The following BRINP3 variants were observed in gnomAD, a reference collection of about 807,000 sequenced individuals.
The protein encoded by BRINP3 is BMP/retinoic acid-inducible neural-specific protein 3.
Under a neutral mutation model 71.0 loss-of-function variants are expected in BRINP3, and 19 were observed. The ratio of observed to expected loss-of-function variants is 0.27; its 90% CI spans 0.19 to 0.39. The LOEUF (loss-of-function observed/expected upper bound fraction) is 0.39, where lower values mean the gene tolerates loss of function less well. Ranked by LOEUF, BRINP3 falls within the 10% of genes least tolerant of loss-of-function variation. The pLI is 1.00. For missense variants in BRINP3, 959 were observed against 940.8 expected, an observed-to-expected ratio of 1.02 and a Z score of -0.25; for synonymous variants, 380 against 337.7, an observed-to-expected ratio of 1.13 and a Z score of -1.37.
At chr1:190,444,227 A>T (rs1675038539) in intron 2 of BRINP3, among the ~76,000 whole-genome samples, 1 of 130,298 alleles carries the variant, frequency 7.7e-6, no homozygotes, top group East Asian at 2.5e-4. Flanking sequence ...CAACAAGAGC[A>T]AAACTCCGTC....
intron 2 of BRINP3, among the ~76,000 whole-genome samples, chr1:190,301,456 G>A (rs1014670292): frequency 6.6e-6 from 1 of 150,846 alleles, no homozygotes; most frequent in African/African-American, 2.4e-5. Context: ...AAAAGAAAAA[G>A]TTTTATATTT....
intron 2 of BRINP3, among the ~76,000 whole-genome samples, chr1:190,444,048 A>C (rs115456499): frequency 0.026 from 4,011 of 151,958 alleles, 173 homozygotes; most frequent in African/African-American, 0.087. Context: ...GCCTGACCAA[A>C]ATTGAGAAAA....
rs532571271 is a variant in BRINP3 at position 190,119,311 on chromosome 1, G to A, written c.1185-20177C>T. Among the ~76,000 whole-genome samples, 42 of 151,550 alleles carry A rather than the reference G, an allele frequency of 2.8e-4. 1 individual carries two copies. The South Asian group carries it at 3.8e-3, about 14-fold the overall frequency. On this transcript the variant is annotated intron_variant, in intron 7 of 7. Coordinates refer to ENST00000367462, the MANE Select transcript of BRINP3 (RefSeq NM_199051.3). ...TTATTATTTTGAGATGGAGTCTCAC[G>A]CTGTCTCCAGGCTGGAGTGCAGTGG...
rs191383827 is a variant in BRINP3 at position 190,455,985 on chromosome 1, A to T, written c.-50-1045T>A. On this transcript the variant is annotated intron_variant, in intron 1 of 7. Transcript: ENST00000367462. ...TTTCAAACTGTATTATTCATAGCAC[A>T]TAGCACTACAGAGTGCAAAGATTCT... is the stretch of plus-strand genomic sequence containing the variant. Among the ~76,000 whole-genome samples, 28 of 152,344 alleles carry T rather than the reference A, an allele frequency of 1.8e-4. 1 individual carries two copies. Among genetic ancestry groups the T allele is most frequent in the African/African-American group, 6.7e-4 (28 of 41,586 alleles).
chr1:190,266,410 T>A (rs1385550245), intron 3 of BRINP3, among the ~76,000 whole-genome samples: 1 of 152,166 alleles, frequency 6.6e-6, no homozygotes, highest in Non-Finnish European at 1.5e-5. Context: ...AAACTCACAT[T>A]TCTTGTTGGT....
At chr1:190,423,295 G>C (rs554494537) in intron 2 of BRINP3, among the ~76,000 whole-genome samples, 49 of 151,554 alleles carry the variant, frequency 3.2e-4, no homozygotes, top group African/African-American at 1.1e-3. Context: ...CTTTTTCACT[G>C]TTATAGAGTT....
chr1:190,266,394 T>C (rs771596653), intron 3 of BRINP3, among the ~76,000 whole-genome samples: 38 of 152,164 alleles, frequency 2.5e-4, no homozygotes, highest in Admixed American at 5.9e-4. Flanking sequence ...ACAAATATTA[T>C]TTCTAAAACT....
intron 6 of BRINP3, among the ~76,000 whole-genome samples, chr1:190,215,527 G>C (rs1656336973): frequency 6.6e-6 from 1 of 151,680 alleles, no homozygotes; most frequent in Non-Finnish European, 1.5e-5. Flanking sequence ...AACTATTTTT[G>C]ATAAAGAAAA....
intron 2 of BRINP3, among the ~76,000 whole-genome samples, chr1:190,327,357 A>G (rs1571757918): frequency 6.9e-6 from 1 of 144,252 alleles, no homozygotes; most frequent in East Asian, 2.0e-4. Flanking sequence ...AAAAGGAAAA[A>G]AAAAAAAGAA....
intron 6 of BRINP3, among the ~76,000 whole-genome samples, chr1:190,167,977 T>C (rs1651702261): frequency 6.6e-6 from 1 of 151,988 alleles, no homozygotes. Flanking sequence ...AGAGTGAAAA[T>C]CGGTGTGAAA....
chr1:190,105,040 C>T (rs940812065), intron 7 of BRINP3, among the ~76,000 whole-genome samples: 1 of 152,130 alleles, frequency 6.6e-6, no homozygotes, highest in South Asian at 2.1e-4. Flanking sequence ...TGGAATTAGG[C>T]ATCCACAGCC....
At chr1:190,244,760 T>C (rs1659429817) in intron 4 of BRINP3, among the ~76,000 whole-genome samples, 1 of 152,078 alleles carries the variant, frequency 6.6e-6, no homozygotes, top group Non-Finnish European at 1.5e-5. Flanking sequence ...TTCATTATTA[T>C]TACTTTTAAT....
At chr1:190,193,514 C>A (rs749960842) in intron 6 of BRINP3, among the ~76,000 whole-genome samples, 5 of 151,910 alleles carry the variant, frequency 3.3e-5, no homozygotes, top group Non-Finnish European at 7.4e-5. Flanking sequence ...TGCCCCTCCC[C>A]AAAAAATACA....
At chr1:190,446,404 C>T (rs1675222027) in intron 2 of BRINP3, among the ~76,000 whole-genome samples, 1 of 151,976 alleles carries the variant, frequency 6.6e-6, no homozygotes, top group Admixed American at 6.6e-5. Context: ...AAAAAGCTTC[C>T]TTCTTACTAT....
chr1:190,218,230 G>T (rs1026321497), intron 6 of BRINP3, among the ~76,000 whole-genome samples: 1 of 151,688 alleles, frequency 6.6e-6, no homozygotes, highest in African/African-American at 2.4e-5. Flanking sequence ...AGGCATCATT[G>T]CCCTGATTCA....
At chr1:190,387,966 A>G (rs921663343) in intron 2 of BRINP3, among the ~76,000 whole-genome samples, 2 of 151,902 alleles carry the variant, frequency 1.3e-5, no homozygotes, top group African/African-American at 4.8e-5. Flanking sequence ...GCAATATTTT[A>G]TAAAAAGCCT....
intron 2 of BRINP3, among the ~76,000 whole-genome samples, chr1:190,367,364 C>T (rs1282367246): frequency 2.0e-5 from 3 of 152,172 alleles, no homozygotes; most frequent in African/African-American, 4.8e-5. Context: ...TGCAGGACAC[C>T]ATGTCCCGAG....
At chr1:190,190,995 C>T (rs917626962) in intron 6 of BRINP3, among the ~76,000 whole-genome samples, 1 of 152,006 alleles carries the variant, frequency 6.6e-6, no homozygotes, top group East Asian at 1.9e-4. Context: ...GTAAGCAAAG[C>T]GATAATGAGG....
chr1:190,369,396 A>C (rs1469745302), intron 2 of BRINP3, among the ~76,000 whole-genome samples: 3 of 152,116 alleles, frequency 2.0e-5, no homozygotes, highest in Non-Finnish European at 4.4e-5. Flanking sequence ...ACCAGAATTA[A>C]TATAATTAAG....
Sources: gnomAD v4.1 joint callset for allele counts (sites outside exome capture counted in the v4.1 genomes callset) on GRCh38, gnomAD v4.1.1 for gene constraint, MANE v1.5 for transcripts, NCBI Gene and HGNC (gene_info 2026-07-23, HGNC 2026-07-21) for gene names.